STX17: variants seen among roughly 807,000 people sequenced by gnomAD.
STX17 encodes syntaxin 17, also known as syntaxin-17.
In STX17, 29 loss-of-function variants were observed where a neutral mutation model predicts 35.9. The observed-to-expected ratio is 0.81, with a 90% CI of 0.60 to 1.10. The LOEUF (loss-of-function observed/expected upper bound fraction) is 1.10, where lower values mean the gene tolerates loss of function less well. Ranked by LOEUF, STX17 falls within the 50% of genes least tolerant of loss-of-function variation. The probability of loss-of-function intolerance (pLI) is 0.00; values close to 1 mark genes in which losing one functional copy is unlikely to be tolerated. For missense variants in STX17, 312 were observed against 352.3 expected (o/e 0.89, Z 0.92); for synonymous variants, 92 against 118.3 (o/e 0.78, Z 1.44).
At position 99,973,965 on chromosome 9, in the gene STX17, A is replaced by G. The variant is rs899845845; in HGVS notation, c.*5292A>G. 1.3e-5 allele frequency among the ~76,000 whole-genome samples: 2 copies of G among 152,218 alleles called. No homozygotes were observed. Among genetic ancestry groups the G allele is most frequent in the African/African-American group, 4.8e-5 (2 of 41,464 alleles). On this transcript the variant is annotated 3_prime_UTR_variant, in exon 8 of 8. Coordinates refer to ENST00000259400, the MANE Select transcript of STX17 (RefSeq NM_017919.3). ...TGAAGGTTCAAACTGGTAATAAACC[A>G]TGTTTACATTTTTCTGGTCTAAAAT... is the stretch of plus-strand genomic sequence containing the variant.
Position 99,915,159 on chromosome 9 carries a change from A to G in STX17, c.-62-19A>G, listed in dbSNP as rs1291667113. On this transcript the variant is annotated intron_variant, in intron 1 of 7. Transcript: ENST00000259400. ...GAAACAGATTTGAAAACATTCTTAAAGAAATATTTTTCTTTTAGGTTTTTC... is the reference window on the plus strand; with the variant it reads ...GAAACAGATTTGAAAACATTCTTAAGGAAATATTTTTCTTTTAGGTTTTTC... 1 of 1,425,142 alleles carries G rather than the reference A, an allele frequency of 7.0e-7. No individual in the cohort carries two copies. Among genetic ancestry groups the G allele is most frequent in the Non-Finnish European group, 9.3e-7 (1 of 1,076,254 alleles). 88.3% of individuals were successfully genotyped at this position (1,425,142 alleles called of 1,614,324 possible). A position where few individuals can be genotyped will look rare whatever the true frequency, so the allele number is the denominator to read the frequency against.
intron 3 of STX17, among the ~76,000 whole-genome samples, chr9:99,933,209 T>G (rs1301509118): frequency 6.6e-6 from 1 of 152,194 alleles, no homozygotes; most frequent in Non-Finnish European, 1.5e-5. Context: ...GTGCTACTTC[T>G]GAAGCACATT....
At chr9:99,965,440 CACTG>C (rs1255395873) in intron 6 of STX17, among the ~76,000 whole-genome samples, 1 of 152,110 alleles carries the variant, frequency 6.6e-6, no homozygotes, top group African/African-American at 2.4e-5. Flanking sequence ...GGAAGGGAGA[CACTG>C]ACTATTTTTC....
At chr9:99,951,351 G>T in intron 4 of STX17, 66 bp downstream of exon 4, 1 of 1,425,294 alleles carries the variant, frequency 7.0e-7, no homozygotes. Flanking sequence ...TCACCTCCTT[G>T]AGTAGATACT....
chr9:99,935,840 C>T (rs780570645), intron 3 of STX17, among the ~76,000 whole-genome samples: 5 of 152,000 alleles, frequency 3.3e-5, no homozygotes, highest in South Asian at 4.2e-4. Context: ...GGCAGAGGGA[C>T]GACTCTGAGG....
At position 99,943,093 on chromosome 9, in the gene STX17, T is replaced by G. The variant is rs182617885; in HGVS notation, c.190-7967T>G. ...ATCAATTAACCTTTTGCAAATTTAT[T>G]TAATTTATTGAATTCCTGTATTTGT... is the stretch of plus-strand genomic sequence containing the variant. On this transcript the variant is annotated intron_variant, in intron 3 of 7. Transcript: ENST00000259400. 1.8e-4 allele frequency among the ~76,000 whole-genome samples: 28 copies of G among 152,324 alleles called. No individual in the cohort carries two copies. In the East Asian group the frequency reaches 4.6e-3, roughly 25 times the overall value.
chr9:99,964,293 C>T (rs912998013), intron 6 of STX17, among the ~76,000 whole-genome samples: 1 of 152,042 alleles, frequency 6.6e-6, no homozygotes, highest in Non-Finnish European at 1.5e-5. Context: ...TATACAGAAA[C>T]TTAGGTACTC....
At chr9:99,929,711 A>G (rs907137436) in intron 3 of STX17, 4 of 151,602 alleles carry the variant, frequency 2.6e-5, no homozygotes, top group African/African-American at 9.7e-5. Context: ...TTAATATAAT[A>G]TAAACTCATT....
rs971004393 is a variant in STX17, at chr9:99,965,018, C to T, written c.583-2635C>T. Among the ~76,000 whole-genome samples, 76 of 152,224 alleles carry T rather than the reference C, an allele frequency of 5.0e-4. 1 individual carries two copies. The highest frequency in any genetic ancestry group is 4.6e-3 in the Admixed American group (70 of 15,278). On this transcript the variant is annotated intron_variant, in intron 6 of 7. Coordinates refer to ENST00000259400, the MANE Select transcript of STX17 (RefSeq NM_017919.3). ...TTGATCCCAGGATAGGGGCTGTCTG[C>T]CCTCTGCCTTATTCCCACACCCCAG...
Position 99,973,422 on chromosome 9 carries a change from C to T in STX17, c.*4749C>T, listed in dbSNP as rs1349465136. ...ATTCCAAATCAGGCAATAGCTACAA[C>T]GGAAAGATAATTGGACGGGGAATCC... On this transcript the variant is annotated 3_prime_UTR_variant, in exon 8 of 8. Transcript: ENST00000259400. Among the ~76,000 whole-genome samples the T allele has an allele frequency of 6.6e-6, 1 of 152,170 alleles. No individual in the cohort carries two copies. Among genetic ancestry groups the T allele is most frequent in the Non-Finnish European group, 1.5e-5 (1 of 68,028 alleles).
intron 2 of STX17, among the ~76,000 whole-genome samples, chr9:99,923,323 T>TC (rs907326584): frequency 6.6e-6 from 1 of 152,178 alleles, no homozygotes; most frequent in African/African-American, 2.4e-5. Flanking sequence ...AAAATTATAA[T>TC]CTTCCTCATA....
At chr9:99,925,910 G>C (rs931954481) in intron 2 of STX17, among the ~76,000 whole-genome samples, 1 of 151,800 alleles carries the variant, frequency 6.6e-6, no homozygotes, top group Non-Finnish European at 1.5e-5. Flanking sequence ...AATCTTTGGC[G>C]TTAAGTTTTT....
chr9:99,955,093 T>C (rs1829681969), intron 4 of STX17, among the ~76,000 whole-genome samples: 1 of 152,116 alleles, frequency 6.6e-6, no homozygotes, highest in African/African-American at 2.4e-5. Context: ...AGAAAGGTGA[T>C]TCAAGTCATA....
chr9:99,967,465 C>CA, intron 6 of STX17, 188 bp from the exon 7 acceptor site: 5 of 232,276 alleles, frequency 2.2e-5, no homozygotes, highest in East Asian at 5.7e-5. Context: ...ATAATTAAGA[C>CA]CCCCCCCTTT....
chr9:99,933,544 G>A (rs1369266453), intron 3 of STX17, among the ~76,000 whole-genome samples: 5 of 152,052 alleles, frequency 3.3e-5, no homozygotes, highest in African/African-American at 1.2e-4. Context: ...GTGAATATGG[G>A]ATATTCTTGC....
chr9:99,972,399 T>C lies in STX17; in HGVS notation c.*3726T>C, dbSNP rs1587947626. Among the ~76,000 whole-genome samples, 1 of 152,336 alleles carries C rather than the reference T, an allele frequency of 6.6e-6. No individual in the cohort carries two copies. Among genetic ancestry groups the C allele is most frequent in the East Asian group, 1.9e-4 (1 of 5,196 alleles). ...TAGTGATGCTAGTATTAATATTACT[T>C]AGACCAATTTTGAAACTGTTCTTTC... On this transcript the variant is annotated 3_prime_UTR_variant, in exon 8 of 8. Transcript: ENST00000259400.
chr9:99,934,730 T>A (rs1219610807), intron 3 of STX17, among the ~76,000 whole-genome samples: 2 of 152,196 alleles, frequency 1.3e-5, no homozygotes, highest in Non-Finnish European at 2.9e-5. Flanking sequence ...CTGTACACAA[T>A]TTGTTCTCAA....
At chr9:99,945,386 C>G (rs1408797527) in intron 3 of STX17, among the ~76,000 whole-genome samples, 1 of 152,052 alleles carries the variant, frequency 6.6e-6, no homozygotes, top group African/African-American at 2.4e-5. Context: ...GCTTTAAAGT[C>G]TGTTTTTTCT....
chr9:99,942,436 T>G (rs1347071804), intron 3 of STX17, among the ~76,000 whole-genome samples: 1 of 152,146 alleles, frequency 6.6e-6, no homozygotes, highest in Non-Finnish European at 1.5e-5. Context: ...AGAAGCTCAT[T>G]TAATTTAAAG....
Sources: allele counts gnomAD v4.1 joint callset (sites outside exome capture counted in the v4.1 genomes callset), GRCh38; gene constraint gnomAD v4.1.1; transcripts MANE v1.5; gene names NCBI Gene and HGNC (gene_info 2026-07-23, HGNC 2026-07-21).